The following CACNA1C variants were observed in gnomAD, a reference collection of about 807,000 sequenced individuals.
CACNA1C encodes the protein voltage-dependent L-type calcium channel subunit alpha-1C.
CACNA1C carries 30 observed loss-of-function variants against 229.0 expected under a neutral mutation model. The ratio of observed to expected loss-of-function variants is 0.13; its 90% CI spans 0.10 to 0.18. CACNA1C has a LOEUF of 0.18. Ranked by LOEUF, CACNA1C falls within the 10% of genes least tolerant of loss-of-function variation. The probability of loss-of-function intolerance (pLI) is 1.00; values close to 1 mark genes in which losing one functional copy is unlikely to be tolerated. For synonymous variants in CACNA1C, 1,114 were observed against 1,132.5 expected, an observed-to-expected ratio of 0.98 and a Z score of 0.33; for missense variants, 1,658 against 2,845.0, an observed-to-expected ratio of 0.58 and a Z score of 9.49.
intron 29 of CACNA1C, among the ~76,000 whole-genome samples, chr12:2,618,979 A>G (rs981461679): frequency 1.3e-5 from 2 of 152,180 alleles, no homozygotes; most frequent in African/African-American, 4.8e-5. Context: ...TAAATTAGCC[A>G]TGCACTTCTG....
chr12:2,228,241 C>T (rs150684603), intron 3 of CACNA1C, among the ~76,000 whole-genome samples: 66 of 152,322 alleles, frequency 4.3e-4, no homozygotes, highest in African/African-American at 1.4e-3. Flanking sequence ...GGCTTTTCAA[C>T]CAACATTTAT....
intron 3 of CACNA1C, among the ~76,000 whole-genome samples, chr12:2,139,943 G>C (rs2093978730): frequency 6.6e-6 from 1 of 150,994 alleles, no homozygotes; most frequent in African/African-American, 2.4e-5. Flanking sequence ...TGGCTCTCAG[G>C]GTGCTGTGAA....
chr12:2,510,392 C>G (rs1240103097), intron 8 of CACNA1C, among the ~76,000 whole-genome samples: 3 of 152,234 alleles, frequency 2.0e-5, no homozygotes, highest in Non-Finnish European at 4.4e-5. Context: ...TGCTCCAGAT[C>G]TGACTAAAGC....
intron 3 of CACNA1C, among the ~76,000 whole-genome samples, chr12:2,126,866 G>T (rs571454695): frequency 5.3e-4 from 80 of 152,290 alleles, no homozygotes; most frequent in African/African-American, 1.9e-3. Context: ...GGAACTCTAA[G>T]CCAGGCTGAG....
At chr12:2,043,487 T>A (rs2050499432) in intron 1 of CACNA1C, among the ~76,000 whole-genome samples, 1 of 152,060 alleles carries the variant, frequency 6.6e-6, no homozygotes. Context: ...ACAGAAGAAT[T>A]GAAACAGGTC....
At position 2,321,316 on chromosome 12, in the gene CACNA1C, G is replaced by C. The variant is rs2095985914; in HGVS notation, c.478-127660G>C. 1.3e-5 allele frequency among the ~76,000 whole-genome samples: 2 copies of C among 151,976 alleles called. 1 individual carries two copies. Among genetic ancestry groups the C allele is most frequent in the South Asian group, 4.2e-4 (2 of 4,816 alleles). On this transcript the variant is annotated intron_variant, in intron 3 of 46. Transcript: ENST00000399655. ...TGTTCTGTTTTCTGTCCACCTGTTAGGGCAACATAGCTTTTGGAGTCCCAT... is the reference window on the plus strand; with the variant it reads ...TGTTCTGTTTTCTGTCCACCTGTTACGGCAACATAGCTTTTGGAGTCCCAT...
At chr12:1,996,146 A>C (rs1298290809) in intron 1 of CACNA1C, among the ~76,000 whole-genome samples, 1 of 152,186 alleles carries the variant, frequency 6.6e-6, no homozygotes, top group Non-Finnish European at 1.5e-5. Context: ...CACTGCAATA[A>C]TCTTCTCACT....
chr12:2,681,635 G>A (rs903983804), intron 42 of CACNA1C, among the ~76,000 whole-genome samples: 12 of 152,090 alleles, frequency 7.9e-5, no homozygotes, highest in Non-Finnish European at 1.6e-4. Flanking sequence ...TCCCCTCCCA[G>A]TCCTCCTGGA....
intron 1 of CACNA1C, chr12:2,011,140 A>G (rs1475004068): frequency 7.4e-6 from 1 of 134,344 alleles, no homozygotes; most frequent in African/African-American, 3.0e-5. Context: ...GATAAGAGCG[A>G]AACTGAGTCT....
At chr12:2,409,338 G>A (rs2098778886) in intron 3 of CACNA1C, among the ~76,000 whole-genome samples, 1 of 152,276 alleles carries the variant, frequency 6.6e-6, no homozygotes, top group African/African-American at 2.4e-5. Flanking sequence ...AAAGTGACAG[G>A]TGTAGAACTA....
chr12:2,243,263 A>G (rs542597326), intron 3 of CACNA1C, among the ~76,000 whole-genome samples: 66 of 152,316 alleles, frequency 4.3e-4, no homozygotes, highest in African/African-American at 1.6e-3. Context: ...GAGTACCTGG[A>G]AGCAGGGATG....
At chr12:2,195,735 G>A (rs897180896) in intron 3 of CACNA1C, among the ~76,000 whole-genome samples, 9 of 152,132 alleles carry the variant, frequency 5.9e-5, no homozygotes, top group Non-Finnish European at 8.8e-5. Flanking sequence ...TCTAGCTCTC[G>A]CTCTGCACCT....
intron 1 of CACNA1C, among the ~76,000 whole-genome samples, chr12:2,002,571 T>A (rs551351134): frequency 2.0e-5 from 3 of 152,338 alleles, no homozygotes; most frequent in South Asian, 2.1e-4. Context: ...TAAAAAGGTA[T>A]CTATCACATT....
chr12:2,121,156 C>T (rs1403580209), intron 3 of CACNA1C, among the ~76,000 whole-genome samples: 1 of 152,214 alleles, frequency 6.6e-6, no homozygotes, highest in East Asian at 1.9e-4. Flanking sequence ...AAAAGGCATG[C>T]AGGGAAAATC....
At chr12:2,609,706 G>A (rs879377200) in intron 27 of CACNA1C, among the ~76,000 whole-genome samples, 1 of 151,850 alleles carries the variant, frequency 6.6e-6, no homozygotes, top group Non-Finnish European at 1.5e-5. Context: ...CTGGAAGCCT[G>A]GGCAAAGTAC....
At chr12:2,496,597 C>G (rs1014674467) in intron 7 of CACNA1C, among the ~76,000 whole-genome samples, 1 of 151,324 alleles carries the variant, frequency 6.6e-6, no homozygotes, top group Non-Finnish European at 1.5e-5. Context: ...CTCTAACATC[C>G]GTTATTGCAT....
chr12:2,566,107 A>G lies in CACNA1C; in HGVS notation c.1509-315A>G, dbSNP rs1055707914. Among the ~76,000 whole-genome samples, 2 of 152,224 alleles carry G rather than the reference A, an allele frequency of 1.3e-5. No homozygotes were observed. Among genetic ancestry groups the G allele is most frequent in the Admixed American group, 1.3e-4 (2 of 15,292 alleles). ...GAATGCTGTTTCACAAAAATTAAAA[A>G]AACTTCCATTTATTGAGCATCTTCA... On this transcript the variant is annotated intron_variant, in intron 11 of 46. Coordinates refer to ENST00000399655, the MANE Select transcript of CACNA1C (RefSeq NM_000719.7). The surrounding 1 kb of genome is among the most constrained non-coding windows in gnomAD (Gnocchi z 4.0).
At chr12:2,185,016 CT>C (rs1351776604) in intron 3 of CACNA1C, among the ~76,000 whole-genome samples, 1 of 152,192 alleles carries the variant, frequency 6.6e-6, no homozygotes, top group Non-Finnish European at 1.5e-5. Context: ...GCCATGGAAT[CT>C]TACTCCGCGT....
chr12:2,298,500 T>C (rs1253758503), intron 3 of CACNA1C, among the ~76,000 whole-genome samples: 1 of 152,174 alleles, frequency 6.6e-6, no homozygotes, highest in Non-Finnish European at 1.5e-5. Flanking sequence ...GATTTTACCA[T>C]GTTGGCCAAG....
Sources: allele counts gnomAD v4.1 joint callset (sites outside exome capture counted in the v4.1 genomes callset), GRCh38; gene constraint gnomAD v4.1.1; non-coding constraint Gnocchi (gnomAD v3.1); transcripts MANE v1.5; gene names NCBI Gene and HGNC (gene_info 2026-07-23, HGNC 2026-07-21).